TDRD12: variants seen among roughly 807,000 people sequenced by gnomAD.
TDRD12 encodes the protein tudor domain containing 12, also known as putative ATP-dependent RNA helicase TDRD12.
TDRD12 carries 158 observed loss-of-function variants against 133.5 expected under a neutral mutation model. That is an observed-to-expected ratio of 1.18 (90% CI 1.04 to 1.35). TDRD12 has a LOEUF of 1.35. Ranked by LOEUF, TDRD12 falls within the 40% of genes most tolerant of loss-of-function variation. The pLI, the probability that TDRD12 is intolerant of heterozygous loss-of-function variation, is 0.00. For missense variants in TDRD12, 1,443 were observed against 1,321.3 expected, an observed-to-expected ratio of 1.09 and a Z score of -1.43; for synonymous variants, 460 against 477.9, an observed-to-expected ratio of 0.96 and a Z score of 0.49.
intron 26 of TDRD12, among the ~76,000 whole-genome samples, chr19:32,816,424 C>T (rs573253529): frequency 6.6e-6 from 1 of 152,240 alleles, no homozygotes; most frequent in Non-Finnish European, 1.5e-5. Context: ...TATGCCTCCT[C>T]TCCATAGTGA....
At chr19:32,813,580 G>A in intron 24 of TDRD12, 104 bp from the exon 25 acceptor site, 1 of 640,816 alleles carries the variant, frequency 1.6e-6, no homozygotes, top group Non-Finnish European at 2.7e-6. Context: ...ATTACTGTGA[G>A]GCTCAAATGA....
chr19:32,749,011 G>A (rs1400643256), intron 5 of TDRD12, among the ~76,000 whole-genome samples: 1 of 152,184 alleles, frequency 6.6e-6, no homozygotes, highest in African/African-American at 2.4e-5. Flanking sequence ...TCTTTTGTGG[G>A]ATCTGTCTTA....
chr19:32,811,164 C>A, intron 23 of TDRD12, 46 bp from the exon 24 acceptor site: 1 of 1,391,652 alleles, frequency 7.2e-7, no homozygotes, highest in Non-Finnish European at 9.7e-7. Context: ...CAAAGATGAT[C>A]CTTTCTGGAA....
chr19:32,770,207 A>G (rs896998604), intron 8 of TDRD12, among the ~76,000 whole-genome samples: 8 of 151,940 alleles, frequency 5.3e-5, no homozygotes, highest in Admixed American at 5.2e-4. Flanking sequence ...GGGTTTCACC[A>G]TGTTGGCTGG....
intron 4 of TDRD12, among the ~76,000 whole-genome samples, chr19:32,747,957 A>G (rs1053627217): frequency 6.6e-6 from 1 of 152,100 alleles, no homozygotes. Context: ...CAAGGCTGCA[A>G]TGAGCTGTGT....
In TDRD12 at chr19:32,758,659, G is replaced by T. The variant is rs1048843368; in HGVS notation, c.865+1529G>T. Among the ~76,000 whole-genome samples, 3 of 152,174 alleles carry T rather than the reference G, an allele frequency of 2.0e-5. No individual in the cohort carries two copies. The South Asian group carries it at 6.2e-4, about 31-fold the overall frequency. ...TTTAAAATTGTAGAGTCAGGGCCAG[G>T]TGCAGTGGCTCACACCTGTAATCCC... is the stretch of plus-strand genomic sequence containing the variant. On this transcript the variant is annotated intron_variant, in intron 8 of 27. Coordinates refer to ENST00000444215, the Ensembl canonical transcript of TDRD12.
At chr19:32,798,417 C>G (rs1428635367) in exon 16 of TDRD12, 1 of 1,535,224 alleles carries the variant, frequency 6.5e-7, no homozygotes, top group Admixed American at 2.0e-5. Context: ...AGGTGCTATT[C>G]TTGGAAGCCA....
At chr19:32,795,725 G>A (rs1358954603) in intron 14 of TDRD12, among the ~76,000 whole-genome samples, 1 of 152,226 alleles carries the variant, frequency 6.6e-6, no homozygotes, top group Non-Finnish European at 1.5e-5. Context: ...CTGGCTCATG[G>A]TTCTGCAGGC....
intron 18 of TDRD12, 134 bp downstream of exon 18, chr19:32,800,906 G>T: frequency 3.2e-6 from 3 of 924,152 alleles, no homozygotes; most frequent in Non-Finnish European, 4.6e-6. Flanking sequence ...AATCAGAAGA[G>T]GAGGTGGGGT....
rs1229960418 is a variant in TDRD12, at chr19:32,722,352, A to G, written c.24+2256A>G. On this transcript the variant is annotated intron_variant, in intron 1 of 27. Coordinates refer to ENST00000444215, the Ensembl canonical transcript of TDRD12. ...AACCCCTTTCCTCTCAGTTGGGCCCAGGAACTCTTTCATTTACCTGCTCAA... is the reference window on the plus strand; with the variant it reads ...AACCCCTTTCCTCTCAGTTGGGCCCGGGAACTCTTTCATTTACCTGCTCAA... Among the ~76,000 whole-genome samples the G allele has an allele frequency of 3.3e-5, 5 of 152,168 alleles. No individual in the cohort carries two copies. The East Asian group carries it at 9.7e-4, about 30-fold the overall frequency.
Position 32,803,193 on chromosome 19 carries a change from G to A in TDRD12, c.2552+51G>A, listed in dbSNP as rs573872847. ...AAACTGATGTATAACCTGCAGTAAG[G>A]TGCACAGCTGTTGCAATGTGGTGAA... On this transcript the variant is annotated intron_variant, in intron 21 of 27. Transcript: ENST00000444215. 25 of 1,291,908 alleles carry A rather than the reference G, an allele frequency of 1.9e-5. No homozygotes were observed. The South Asian group carries it at 3.2e-4, about 16-fold the overall frequency. The allele number at this position is 1,291,908 out of a possible 1,614,324, so 80.0% of individuals were successfully genotyped here.
downstream of TDRD12, among the ~76,000 whole-genome samples, chr19:32,823,044 C>T (rs1269094095): frequency 6.6e-6 from 1 of 152,204 alleles, no homozygotes; most frequent in African/African-American, 2.4e-5. Context: ...AGATGTTCTG[C>T]ACCTCTGCTG....
chr19:32,772,820 C>G, exon 9 of TDRD12: 15 of 1,505,978 alleles, frequency 1.0e-5, no homozygotes, highest in Non-Finnish European at 1.3e-5. Flanking sequence ...AAAAGAAACA[C>G]CATTGCATCT....
chr19:32,721,234 C>T (rs762230222), intron 1 of TDRD12, among the ~76,000 whole-genome samples: 4 of 152,056 alleles, frequency 2.6e-5, no homozygotes, highest in African/African-American at 9.7e-5. Flanking sequence ...AAGGGGAAAG[C>T]GTTGCTGGAG....
intron 8 of TDRD12, among the ~76,000 whole-genome samples, chr19:32,771,868 A>G (rs1970452113): frequency 6.6e-6 from 1 of 152,182 alleles, no homozygotes; most frequent in Non-Finnish European, 1.5e-5. Context: ...GCTGCTGCTT[A>G]TTTCAATGAG....
intron 21 of TDRD12, among the ~76,000 whole-genome samples, chr19:32,806,405 T>C (rs895438309): frequency 1.4e-5 from 2 of 147,204 alleles, no homozygotes; most frequent in African/African-American, 5.1e-5. Context: ...TGCAATGGCG[T>C]GATCTCAGCT....
chr19:32,759,247 C>T (rs1449722125), intron 8 of TDRD12, among the ~76,000 whole-genome samples: 1 of 152,072 alleles, frequency 6.6e-6, no homozygotes, highest in Non-Finnish European at 1.5e-5. Flanking sequence ...GTAGAGAGAA[C>T]AGGCTCGGGG....
intron 3 of TDRD12, 130 bp downstream of exon 3, chr19:32,739,122 C>A: frequency 1.7e-6 from 2 of 1,143,366 alleles, no homozygotes; most frequent in Non-Finnish European, 2.4e-6. Flanking sequence ...AGTTCTTTAG[C>A]TTCCAGAAGG....
chr19:32,816,245 G>T (rs769121704), intron 26 of TDRD12, among the ~76,000 whole-genome samples: 50 of 152,278 alleles, frequency 3.3e-4, no homozygotes, highest in Non-Finnish European at 6.0e-4. Flanking sequence ...GACGTGATGT[G>T]TTTCCTGAAC....
Sources: gnomAD v4.1 joint callset for allele counts (sites outside exome capture counted in the v4.1 genomes callset) on GRCh38, gnomAD v4.1.1 for gene constraint, MANE v1.5 for transcripts, NCBI Gene and HGNC (gene_info 2026-07-23, HGNC 2026-07-21) for gene names.